The following MYO9B variants were observed in gnomAD, a reference collection of about 807,000 sequenced individuals.
MYO9B encodes unconventional myosin-IXb.
Under a neutral mutation model 229.5 loss-of-function variants are expected in MYO9B, and 71 were observed. The ratio of observed to expected loss-of-function variants is 0.31; its 90% confidence interval spans 0.26 to 0.38. MYO9B has a LOEUF of 0.38. Ranked by LOEUF, MYO9B falls within the 10% of genes least tolerant of loss-of-function variation. The pLI is 1.00. For synonymous variants in MYO9B, 1,185 were observed against 1,235.8 expected (o/e 0.96, Z 0.86); for missense variants, 2,255 against 2,920.5 (o/e 0.77, Z 5.25).
rs1447976625 is a variant in MYO9B, at chr19:17,212,202, C to T, written c.6366C>T (p.Gly2122=). 18 of 1,582,116 alleles carry T rather than the reference C, an allele frequency of 1.1e-5. No individual in the cohort carries two copies. Among genetic ancestry groups the T allele is most frequent in the Non-Finnish European group, 1.5e-5 (17 of 1,165,488 alleles). ...CCGGGGCAGACCTGCCAGTGCAGGG[C>T]GCCCTGGAGCCCCTAGAAGAGGATG... is the stretch of plus-strand genomic sequence containing the variant. ...ITPGADLPVQ[G]ALEPLEEDGQ... Residue 2122 remains glycine, a synonymous_variant, in exon 40 of 40, where the codon GGC becomes GGT. Transcript: ENST00000682292. The surrounding 1 kb of genome is among the most constrained non-coding windows in gnomAD (Gnocchi z 5.4).
chr19:17,138,822 A>G (rs2072303046), intron 2 of MYO9B, among the ~76,000 whole-genome samples: 1 of 152,204 alleles, frequency 6.6e-6, no homozygotes. Context: ...TTAGTAGGTT[A>G]TATACTACTA....
At chr19:17,093,720 T>C (rs1238877498) in intron 1 of MYO9B, among the ~76,000 whole-genome samples, 1 of 151,126 alleles carries the variant, frequency 6.6e-6, no homozygotes, top group African/African-American at 2.4e-5. Context: ...TGAGATAGGT[T>C]CTTGCCCTGT....
chr19:17,194,782 G>A lies in MYO9B; in HGVS notation c.3355G>A (p.Glu1119Lys), dbSNP rs764985496. The A allele has an allele frequency of 2.5e-6, 4 of 1,613,420 alleles. No individual in the cohort carries two copies. The highest frequency in any genetic ancestry group is 1.7e-5 in the Admixed American group (1 of 60,018). Reference protein sequence around the residue: ...SPLEHSSPEKEAPSPEKTLPP... With the variant: ...SPLEHSSPEKKAPSPEKTLPP... ...CCTAGAGCACTCCTCACCTGAGAAGGAGGCCCCAAGCCCAGAGAAGACTCT... is the reference window on the plus strand; with the variant it reads ...CCTAGAGCACTCCTCACCTGAGAAGAAGGCCCCAAGCCCAGAGAAGACTCT... The change falls in exon 22 of 40, where the codon GAG becomes AAG. Residue 1119 changes from glutamate to lysine, a missense_variant. Glu to Lys is a moderately conservative substitution (Grantham distance 56, BLOSUM62 1). This residue lies in a region of MYO9B where 679 missense variants were observed against 770.2 expected (regional missense o/e 0.88). Transcript: ENST00000682292.
chr19:17,145,992 CAG>C (rs2145237796), intron 3 of MYO9B, among the ~76,000 whole-genome samples: 1 of 140,292 alleles, frequency 7.1e-6, no homozygotes, highest in African/African-American at 2.7e-5. Flanking sequence ...GTTAGAGAGA[CAG>C]ATGGATTCAT....
chr19:17,173,272 TTCTC>T (rs960453444), intron 13 of MYO9B, among the ~76,000 whole-genome samples: 5 of 151,160 alleles, frequency 3.3e-5, no homozygotes, highest in Non-Finnish European at 7.4e-5. Context: ...TGCCTCTTGT[TTCTC>T]TCTCTCTGTC....
intron 2 of MYO9B, among the ~76,000 whole-genome samples, chr19:17,144,255 G>A (rs957348237): frequency 7.2e-5 from 11 of 151,980 alleles, no homozygotes; most frequent in African/African-American, 2.2e-4. Context: ...AGTTTATTTA[G>A]ACAACAGATA....
chr19:17,154,141 G>T, intron 5 of MYO9B, 75 bp downstream of exon 5: 1 of 1,469,982 alleles, frequency 6.8e-7, no homozygotes, highest in Non-Finnish European at 9.5e-7. Flanking sequence ...TAGCCGGGAA[G>T]TCAGAGGCAG....
intron 18 of MYO9B, among the ~76,000 whole-genome samples, chr19:17,186,240 A>T (rs372692620): frequency 1.3e-5 from 2 of 152,198 alleles, no homozygotes; most frequent in South Asian, 2.1e-4. Flanking sequence ...GCGACAGGTC[A>T]GGGGTGCTTT....
At chr19:17,178,754 C>T (rs1009947765) in intron 14 of MYO9B, among the ~76,000 whole-genome samples, 7 of 151,978 alleles carry the variant, frequency 4.6e-5, no homozygotes, top group Non-Finnish European at 8.8e-5. Flanking sequence ...TTTCTCTGGC[C>T]GGGCGCAGTG....
In MYO9B at chr19:17,159,311, G is replaced by A. The variant is rs76119849; in HGVS notation, c.1330-84G>A. On this transcript the variant is annotated intron_variant, in intron 7 of 39. Transcript: ENST00000682292. ...CCGTCTCCCAGCTGCCTCAGGCTCC[G>A]GGCGTTGCCTCAGTGATACCAGGAC... 3.1e-3 allele frequency: 4,075 copies of A among 1,299,382 alleles called. 79 individuals carry two copies. In the African/African-American group the frequency reaches 0.043, roughly 14 times the overall value. The allele number at this position is 1,299,382 out of a possible 1,614,324, so 80.5% of individuals were successfully genotyped here. A position where few individuals can be genotyped will look rare whatever the true frequency, so the allele number is the denominator to read the frequency against.
At chr19:17,166,336 C>T (rs1352883041) in intron 10 of MYO9B, among the ~76,000 whole-genome samples, 2 of 152,180 alleles carry the variant, frequency 1.3e-5, no homozygotes, top group Non-Finnish European at 2.9e-5. Context: ...AGCCACCACG[C>T]CCAGCCCTTG....
chr19:17,210,599 C>T, intron 37 of MYO9B, 116 bp from the exon 38 acceptor site: 1 of 1,349,062 alleles, frequency 7.4e-7, no homozygotes, highest in Non-Finnish European at 9.9e-7. Context: ...AGAGAAGTCT[C>T]ACTAAGAGCC....
At chr19:17,171,169 G>A (rs2072720590) in intron 11 of MYO9B, among the ~76,000 whole-genome samples, 2 of 152,128 alleles carry the variant, frequency 1.3e-5, no homozygotes, top group East Asian at 1.9e-4. Context: ...CCTTGGCCCC[G>A]TTAACGCGGA....
At chr19:17,153,557 A>G (rs1458361743) in intron 4 of MYO9B, among the ~76,000 whole-genome samples, 1 of 151,478 alleles carries the variant, frequency 6.6e-6, no homozygotes, top group Admixed American at 6.6e-5. Flanking sequence ...TTAGCTGGGC[A>G]TGGTGACACA....
chr19:17,089,075 C>G (rs2057611862), intron 1 of MYO9B, among the ~76,000 whole-genome samples: 1 of 152,292 alleles, frequency 6.6e-6, no homozygotes, highest in East Asian at 1.9e-4. Flanking sequence ...AATTTCTTCT[C>G]TTGAGTGTCC....
chr19:17,109,856 C>A (rs2057830361), intron 2 of MYO9B, among the ~76,000 whole-genome samples: 1 of 152,200 alleles, frequency 6.6e-6, no homozygotes, highest in African/African-American at 2.4e-5. Context: ...CTGCCAAGAC[C>A]CCGTTTCCAG....
intron 7 of MYO9B, 133 bp from the exon 8 acceptor site, chr19:17,159,262 C>T: frequency 1.3e-6 from 1 of 779,078 alleles, no homozygotes; most frequent in Non-Finnish European, 2.1e-6. Flanking sequence ...TCAGGTCCCA[C>T]TTCTAGGCCT....
chr19:17,124,436 T>C (rs2057995195), intron 2 of MYO9B, among the ~76,000 whole-genome samples: 1 of 152,130 alleles, frequency 6.6e-6, no homozygotes, highest in Non-Finnish European at 1.5e-5. Flanking sequence ...TCGTGGAACT[T>C]TTTTTTAAAG....
At chr19:17,156,019 CA>C (rs34932047) in intron 6 of MYO9B, among the ~76,000 whole-genome samples, 27,154 of 113,384 alleles carry the variant, frequency 0.24, 2,844 homozygotes, top group East Asian at 0.36. Flanking sequence ...GACTCTGTCT[CA>C]AAAAAAAAAA....
Sources: gnomAD v4.1 joint callset for allele counts (sites outside exome capture counted in the v4.1 genomes callset) on GRCh38, gnomAD v4.1.1 for gene constraint, gnomAD v4.1.1 regional missense constraint, Gnocchi (gnomAD v3.1) non-coding constraint, MANE v1.5 for transcripts, NCBI Gene and HGNC (gene_info 2026-07-23, HGNC 2026-07-21) for gene names.